Variants in SAMD5 observed in about 807,000 individuals in gnomAD.
SAMD5 encodes the protein sterile alpha motif domain-containing protein 5.
In SAMD5, 13 loss-of-function variants were observed where a neutral mutation model predicts 11.3. The ratio of observed to expected loss-of-function variants is 1.15; its 90% CI spans 0.75 to 1.83. The LOEUF is 1.83. Ranked by LOEUF, SAMD5 falls within the 40% of genes most tolerant of loss-of-function variation. SAMD5 has a pLI of 0.00. For missense variants in SAMD5, 255 were observed against 239.1 expected (o/e 1.07, Z -0.44); for synonymous variants, 129 against 111.3 (o/e 1.16, Z -1.00).
At chr6:147,891,471 G>T in the SAMD5 span, among the ~76,000 whole-genome samples, 1 of 151,994 alleles carries the variant, frequency 6.6e-6, no homozygotes, top group Non-Finnish European at 1.5e-5. Context: ...GGACATAGAG[G>T]AACATAATAG....
At chr6:147,921,684 G>A in the SAMD5 span, among the ~76,000 whole-genome samples, 1 of 152,056 alleles carries the variant, frequency 6.6e-6, no homozygotes, top group African/African-American at 2.4e-5. Flanking sequence ...GGTAGTGTTG[G>A]ATCGAGGTGA....
the SAMD5 span, among the ~76,000 whole-genome samples, chr6:147,913,135 C>G: frequency 1.3e-5 from 2 of 151,728 alleles, no homozygotes; most frequent in African/African-American, 4.9e-5. Context: ...ATTTTAGAAA[C>G]CTGAAAATGA....
intron 1 of SAMD5, among the ~76,000 whole-genome samples, chr6:147,712,948 CTAT>C (rs1309689330): frequency 6.6e-6 from 1 of 152,072 alleles, no homozygotes; most frequent in Non-Finnish European, 1.5e-5. Context: ...TTTTTATAAA[CTAT>C]TATTCAAACC....
At chr6:147,752,770 C>G in the SAMD5 span, among the ~76,000 whole-genome samples, 21 of 152,246 alleles carry the variant, frequency 1.4e-4, no homozygotes, top group Admixed American at 5.2e-4. Flanking sequence ...CTCATGGTGG[C>G]TCAGTTAAGG....
At chr6:147,548,495 C>A (rs1198929588) in intron 1 of SAMD5, among the ~76,000 whole-genome samples, 1 of 152,148 alleles carries the variant, frequency 6.6e-6, no homozygotes, top group Admixed American at 6.5e-5. Context: ...TGCAGAGAAC[C>A]AAGTCCTAGT....
chr6:147,633,500 C>T (rs1396509830), intron 1 of SAMD5, among the ~76,000 whole-genome samples: 1 of 152,044 alleles, frequency 6.6e-6, no homozygotes, highest in South Asian at 2.1e-4. Flanking sequence ...TAGCATTTTA[C>T]GGAGATAGCC....
the SAMD5 span, among the ~76,000 whole-genome samples, chr6:147,748,315 G>C: frequency 6.6e-6 from 1 of 152,186 alleles, no homozygotes; most frequent in African/African-American, 2.4e-5. Context: ...ATTTGGATTA[G>C]AATCAGATTC....
At chr6:147,791,566 A>C in the SAMD5 span, among the ~76,000 whole-genome samples, 34 of 152,104 alleles carry the variant, frequency 2.2e-4, no homozygotes, top group Non-Finnish European at 4.3e-4. Flanking sequence ...AGTATACCTG[A>C]GTATTTATGC....
chr6:147,685,325 T>C (rs926828441), intron 1 of SAMD5, among the ~76,000 whole-genome samples: 2 of 152,124 alleles, frequency 1.3e-5, no homozygotes, highest in Admixed American at 6.5e-5. Context: ...GCCTCCTGAG[T>C]AGCTGGGATT....
At chr6:147,582,576 G>A (rs906011660) in intron 1 of SAMD5, among the ~76,000 whole-genome samples, 3 of 152,326 alleles carry the variant, frequency 2.0e-5, no homozygotes, top group South Asian at 2.1e-4. Flanking sequence ...TAGGAAAGCC[G>A]ACTTGTCCAG....
At chr6:147,648,979 G>T (rs1016793082) in intron 1 of SAMD5, among the ~76,000 whole-genome samples, 1 of 152,186 alleles carries the variant, frequency 6.6e-6, no homozygotes, top group African/African-American at 2.4e-5. Context: ...CTGCAATGAA[G>T]AATTAATCGT....
In SAMD5 at chr6:147,568,530, T is replaced by A. The variant is rs1159181729; in HGVS notation, c.*4074T>A. On this transcript the variant is annotated 3_prime_UTR_variant, in exon 2 of 2. Coordinates refer to ENST00000367474, the MANE Select transcript of SAMD5 (RefSeq NM_001030060.3). ...ATCTAGGGAAAATAAGAGAAATAAG[T>A]GAAAGTCTGACCCTACATTGCCAAT... 3 of 985,166 alleles carry A rather than the reference T, an allele frequency of 3.0e-6. No individual in the cohort carries two copies. The African/African-American group carries it at 5.2e-5, about 17-fold the overall frequency. 61.0% of individuals were successfully genotyped at this position (985,166 alleles called of 1,614,324 possible).
At chr6:147,650,305 G>C (rs1790465513) in intron 1 of SAMD5, among the ~76,000 whole-genome samples, 1 of 152,328 alleles carries the variant, frequency 6.6e-6, no homozygotes, top group East Asian at 1.9e-4. Flanking sequence ...AGGGAAGGTA[G>C]AGGTAACTTT....
chr6:147,797,769 A>T, the SAMD5 span, among the ~76,000 whole-genome samples: 8 of 145,614 alleles, frequency 5.5e-5, no homozygotes, highest in African/African-American at 2.1e-4. Context: ...CTATTCAGAG[A>T]TTCAACTTCT....
intron 1 of SAMD5, among the ~76,000 whole-genome samples, chr6:147,646,004 GTCTGTCTATGTATCTA>G (rs1790390864): frequency 1.5e-5 from 2 of 132,848 alleles, no homozygotes; most frequent in African/African-American, 6.4e-5. Context: ...ATATCTGTCT[GTCTGTCTATGTATCTA>G]TCTATGTATC....
At chr6:147,602,537 A>G (rs1320344720) in intron 1 of SAMD5, among the ~76,000 whole-genome samples, 2 of 152,194 alleles carry the variant, frequency 1.3e-5, no homozygotes, top group Non-Finnish European at 2.9e-5. Context: ...TGGGGTCAGG[A>G]GTTCAAGACC....
At chr6:147,698,230 T>C (rs1791205834) in intron 1 of SAMD5, among the ~76,000 whole-genome samples, 1 of 152,020 alleles carries the variant, frequency 6.6e-6, no homozygotes, top group Admixed American at 6.5e-5. Flanking sequence ...GCCCCGGGGT[T>C]GGGGACCCCA....
At chr6:147,870,472 G>GTA in the SAMD5 span, among the ~76,000 whole-genome samples, 186 of 125,710 alleles carry the variant, frequency 1.5e-3, no homozygotes, top group Admixed American at 2.6e-3. Context: ...GTGTGTGTGT[G>GTA]TGTGTGTGTG....
chr6:147,800,112 G>A, the SAMD5 span, among the ~76,000 whole-genome samples: 4 of 152,200 alleles, frequency 2.6e-5, no homozygotes, highest in Admixed American at 2.6e-4. Context: ...TTGCTGGTGA[G>A]GAACTGCATT....
Sources: allele counts gnomAD v4.1 joint callset (sites outside exome capture counted in the v4.1 genomes callset), GRCh38; gene constraint gnomAD v4.1.1; transcripts MANE v1.5; gene names NCBI Gene and HGNC (gene_info 2026-07-23, HGNC 2026-07-21).